RHCE: variants seen among roughly 807,000 people sequenced by gnomAD.
RHCE encodes blood group Rh(CE) polypeptide.
Under a neutral mutation model 43.8 loss-of-function variants are expected in RHCE, and 22 were observed. That is an observed-to-expected ratio of 0.50 (90% CI 0.36 to 0.72). The LOEUF (loss-of-function observed/expected upper bound fraction) is 0.72. RHCE is among the 30% of genes least tolerant of loss of function. The pLI, the probability that RHCE is intolerant of heterozygous loss-of-function variation, is 0.00. For missense variants in RHCE, 385 were observed against 525.4 expected (o/e 0.73, Z 2.61); for synonymous variants, 156 against 210.7 (o/e 0.74, Z 2.25).
At chr1:25,369,802 A>ATG (rs1645551369) in intron 9 of RHCE, among the ~76,000 whole-genome samples, 3 of 138,770 alleles carry the variant, frequency 2.2e-5, no homozygotes, top group Non-Finnish European at 4.5e-5. Flanking sequence ...GCAGTGGCGC[A>ATG]ATCTCAGCTC....
intron 3 of RHCE, among the ~76,000 whole-genome samples, chr1:25,393,553 A>G (rs996022031): frequency 1.3e-5 from 2 of 152,200 alleles, no homozygotes; most frequent in African/African-American, 2.4e-5. Context: ...CCTGGGAGGC[A>G]GAGGCTGTAG....
Position 25,420,685 on chromosome 1 carries a change from A to C in RHCE, c.102T>G (p.Tyr34Ter). 1 of 1,613,754 alleles carries C rather than the reference A, an allele frequency of 6.2e-7. No homozygotes were observed. The highest frequency in any genetic ancestry group is 8.5e-7 in the Non-Finnish European group (1 of 1,179,808). The change falls in exon 1 of 10, where the codon TAT becomes TAG. Residue 34 changes from tyrosine (Y) to a stop codon, truncating the protein, a stop_gained. Coordinates refer to ENST00000294413, the MANE Select transcript of RHCE (RefSeq NM_020485.8). LOFTEE classifies it high-confidence loss of function. ...LILLFYFFTHYDASLEDQKGL... is the reference protein window; with the variant it reads ...LILLFYFFTH ...CCTTTTGATCCTCTAAGGAAGCGTC[A>C]TAGTGGGTAAAAAAATAGAAGAGGA...
Position 25,407,111 on chromosome 1 carries a change from C to A in RHCE, c.335+1572G>T, listed in dbSNP as rs574985636. Among the ~76,000 whole-genome samples the A allele has an allele frequency of 5.2e-4, 63 of 122,052 alleles. 6 individuals carry two copies. Among genetic ancestry groups the A allele is most frequent in the African/African-American group, 1.5e-3 (58 of 39,602 alleles). 80.1% of individuals were successfully genotyped at this position (122,052 alleles called of 152,430 possible). On this transcript the variant is annotated intron_variant, in intron 2 of 9. Transcript: ENST00000294413. Reference sequence around the variant, plus strand: ...CTGATTTTTCTATTTTCTGCAGAGACAGGGTCTCACTGCGTTGCTCAGGCT... The same window carrying A: ...CTGATTTTTCTATTTTCTGCAGAGAAAGGGTCTCACTGCGTTGCTCAGGCT...
chr1:25,373,460 T>A (rs1315586226), intron 8 of RHCE, among the ~76,000 whole-genome samples: 1 of 151,784 alleles, frequency 6.6e-6, no homozygotes, highest in African/African-American at 2.4e-5. Context: ...CGGAATTAAC[T>A]CTACTCCGCC....
At chr1:25,406,262 T>C (rs969468329) in intron 2 of RHCE, among the ~76,000 whole-genome samples, 1,605 of 111,212 alleles carry the variant, frequency 0.014, 200 homozygotes, top group African/African-American at 0.034. Flanking sequence ...TGTGTGTGTG[T>C]GTGTGTGTGT....
intron 1 of RHCE, 125 bp downstream of exon 1, chr1:25,420,514 G>A: frequency 6.3e-7 from 1 of 1,589,402 alleles, no homozygotes; most frequent in Non-Finnish European, 8.6e-7. Flanking sequence ...TACGGAAGAA[G>A]ATGGGGGAAT....
In RHCE at chr1:25,362,340, A is replaced by AT. The variant is rs1419017200; in HGVS notation, c.*186dup. On this transcript the variant is annotated 3_prime_UTR_variant, in exon 10 of 10. Transcript: ENST00000294413. ...GAAACTAAACATTTATTTTAAACTTATTAAATTGACTCTTAAACTAAGTTT... is the reference window on the plus strand; with the variant it reads ...GAAACTAAACATTTATTTTAAACTTATTTAAATTGACTCTTAAACTAAGTTT... The AT allele has an allele frequency of 1.2e-5, 16 of 1,319,780 alleles. No homozygotes were observed. The highest frequency in any genetic ancestry group is 7.3e-6 in the Non-Finnish European group (7 of 953,770). 81.8% of individuals were successfully genotyped at this position (1,319,780 alleles called of 1,614,324 possible).
At chr1:25,402,064 A>G (rs1646765174) in intron 3 of RHCE, among the ~76,000 whole-genome samples, 1 of 151,834 alleles carries the variant, frequency 6.6e-6, no homozygotes, top group African/African-American at 2.4e-5. Context: ...TTTAGTAGAG[A>G]TGAGGTTCCC....
intron 3 of RHCE, 47 bp downstream of exon 3, chr1:25,402,549 T>C: frequency 6.2e-7 from 1 of 1,613,894 alleles, no homozygotes; most frequent in Non-Finnish European, 8.5e-7. Context: ...CAAATGGAGC[T>C]TTTGGCCCTT....
In RHCE at chr1:25,408,525, T is replaced by C. The variant is rs1383649983; in HGVS notation, c.335+158A>G. Among the ~76,000 whole-genome samples, 15 of 122,918 alleles carry C rather than the reference T, an allele frequency of 1.2e-4. 4 individuals are homozygous for C. Among genetic ancestry groups the C allele is most frequent in the African/African-American group, 2.8e-4 (11 of 39,692 alleles). The allele number at this position is 122,918 out of a possible 152,430, so 80.6% of individuals were successfully genotyped here. A position where few individuals can be genotyped will look rare whatever the true frequency, so the allele number is the denominator to read the frequency against. ...CAGGATGCCCAGTTAAATTTGAATT[T>C]TAAACAATGAATAATCTTTTAGCAT... On this transcript the variant is annotated intron_variant, in intron 2 of 9. Coordinates refer to ENST00000294413, the MANE Select transcript of RHCE (RefSeq NM_020485.8).
intron 3 of RHCE, chr1:25,399,321 T>C: frequency 1.3e-6 from 1 of 770,014 alleles, no homozygotes; most frequent in Non-Finnish European, 2.3e-6. Flanking sequence ...AGCCTTCTTC[T>C]CTTAATCACA....
intron 3 of RHCE, among the ~76,000 whole-genome samples, chr1:25,399,912 G>A (rs948693357): frequency 6.6e-6 from 1 of 152,062 alleles, no homozygotes; most frequent in African/African-American, 2.4e-5. Flanking sequence ...AAAACTATAA[G>A]TAATAAATTG....
intron 3 of RHCE, among the ~76,000 whole-genome samples, chr1:25,399,693 T>A (rs1234717132): frequency 6.6e-6 from 1 of 152,180 alleles, no homozygotes; most frequent in African/African-American, 2.4e-5. Flanking sequence ...TTACATATAC[T>A]AGGGAAATTT....
At chr1:25,372,731 G>A (rs1249066860) in intron 8 of RHCE, among the ~76,000 whole-genome samples, 2 of 151,708 alleles carry the variant, frequency 1.3e-5, no homozygotes, top group Non-Finnish European at 2.9e-5. Context: ...CAAGTTAAAT[G>A]CTTGGCTTCT....
chr1:25,400,750 A>T (rs1344987102), intron 3 of RHCE, among the ~76,000 whole-genome samples: 1 of 151,680 alleles, frequency 6.6e-6, no homozygotes, highest in Non-Finnish European at 1.5e-5. Context: ...TTCGACACTG[A>T]ACTCTGGGTT....
intron 3 of RHCE, among the ~76,000 whole-genome samples, chr1:25,394,126 T>C (rs1275569907): frequency 2.0e-5 from 3 of 152,000 alleles, no homozygotes; most frequent in African/African-American, 7.3e-5. Flanking sequence ...GTAGCTGGGA[T>C]TACAGGCGCC....
At chr1:25,421,398 ATG>A (rs758371592), upstream of RHCE, among the ~76,000 whole-genome samples, 21 of 152,290 alleles carry the variant, frequency 1.4e-4, no homozygotes, top group East Asian at 7.7e-4. Context: ...ATTTAAATCT[ATG>A]TGTTTCTAAG....
At chr1:25,369,730 ATTTTTT>A (rs3080376) in intron 9 of RHCE, among the ~76,000 whole-genome samples, 4 of 95,492 alleles carry the variant, frequency 4.2e-5, no homozygotes, top group African/African-American at 1.8e-4. Flanking sequence ...CACTGTAAGA[ATTTTTT>A]TTTTTTTTTT....
At chr1:25,405,002 G>C (rs1646870356) in intron 2 of RHCE, among the ~76,000 whole-genome samples, 1 of 148,672 alleles carries the variant, frequency 6.7e-6, no homozygotes, top group Non-Finnish European at 1.5e-5. Context: ...ACCAGCCTGG[G>C]CAACATAGTG....
Sources: gnomAD v4.1 joint callset for allele counts (sites outside exome capture counted in the v4.1 genomes callset) on GRCh38, gnomAD v4.1.1 for gene constraint, MANE v1.5 for transcripts, NCBI Gene and HGNC (gene_info 2026-07-23, HGNC 2026-07-21) for gene names.